The following CSMD1 variants were observed in gnomAD, a reference collection of about 807,000 sequenced individuals.
The protein encoded by CSMD1 is CUB and sushi domain-containing protein 1.
In CSMD1, 213 loss-of-function variants were observed where a neutral mutation model predicts 417.5. The observed-to-expected ratio is 0.51, with a 90% CI of 0.46 to 0.57. The LOEUF (loss-of-function observed/expected upper bound fraction) is 0.57. Among genes scored for constraint, CSMD1 ranks in the 20% least tolerant of loss-of-function variants. CSMD1 has a pLI of 0.00. For synonymous variants in CSMD1, 2,862 were observed against 1,736.8 expected (o/e 1.65, Z -16.11); for missense variants, 6,923 against 4,529.7 (o/e 1.53, Z -15.17).
intron 3 of CSMD1, among the ~76,000 whole-genome samples, chr8:4,186,277 G>C (rs571005459): frequency 8.5e-5 from 13 of 152,194 alleles, no homozygotes; most frequent in Admixed American, 2.6e-4. Flanking sequence ...AAAATTACAA[G>C]AGAAGGAGGC....
intron 10 of CSMD1, among the ~76,000 whole-genome samples, chr8:3,526,088 A>G (rs1797742292): frequency 6.6e-6 from 1 of 152,182 alleles, no homozygotes; most frequent in Non-Finnish European, 1.5e-5. Flanking sequence ...AACATGCTGA[A>G]TTGTCAATTC....
At chr8:4,500,651 G>A (rs867398165) in intron 2 of CSMD1, among the ~76,000 whole-genome samples, 2 of 152,140 alleles carry the variant, frequency 1.3e-5, no homozygotes, top group Non-Finnish European at 2.9e-5. Context: ...AGTGAGAGGT[G>A]TTAGTAAATG....
intron 5 of CSMD1, among the ~76,000 whole-genome samples, chr8:3,822,182 C>T (rs1015690538): frequency 1.3e-5 from 2 of 152,174 alleles, no homozygotes; most frequent in Non-Finnish European, 2.9e-5. Flanking sequence ...ATCGTTTAAG[C>T]ACTGCTAGTC....
intron 1 of CSMD1, among the ~76,000 whole-genome samples, chr8:4,882,125 T>G (rs2116960602): frequency 6.6e-6 from 1 of 152,048 alleles, no homozygotes; most frequent in Non-Finnish European, 1.5e-5. Context: ...TAAACTAGAG[T>G]AGGCTGATGA....
intron 1 of CSMD1, among the ~76,000 whole-genome samples, chr8:4,867,114 G>A (rs541636794): frequency 6.6e-6 from 1 of 152,106 alleles, no homozygotes; most frequent in South Asian, 2.1e-4. Context: ...CTTGTGATAT[G>A]AACTTCATGA....
intron 1 of CSMD1, among the ~76,000 whole-genome samples, chr8:4,954,567 A>C (rs1365414468): frequency 3.3e-5 from 5 of 152,226 alleles, no homozygotes; most frequent in Non-Finnish European, 7.3e-5. Flanking sequence ...AATGATAAAC[A>C]CATTTTATCT....
chr8:3,245,600 C>T (rs960640168), intron 26 of CSMD1, among the ~76,000 whole-genome samples: 2 of 152,208 alleles, frequency 1.3e-5, no homozygotes, highest in Non-Finnish European at 2.9e-5. Flanking sequence ...ATGCCTACCC[C>T]TTCCAGGAAA....
At chr8:3,524,607 A>T (rs1417909938) in intron 10 of CSMD1, among the ~76,000 whole-genome samples, 8 of 151,786 alleles carry the variant, frequency 5.3e-5, no homozygotes, top group Non-Finnish European at 1.5e-5. Context: ...ACATCCACAC[A>T]CATGCACATA....
At chr8:4,320,843 G>T (rs570978797) in intron 3 of CSMD1, among the ~76,000 whole-genome samples, 1 of 152,028 alleles carries the variant, frequency 6.6e-6, no homozygotes, top group African/African-American at 2.4e-5. Flanking sequence ...ATAACCCAAA[G>T]GATTATAAAT....
intron 5 of CSMD1, among the ~76,000 whole-genome samples, chr8:3,894,548 G>T (rs143955117): frequency 6.6e-6 from 1 of 152,082 alleles, no homozygotes; most frequent in Admixed American, 6.6e-5. Flanking sequence ...TTCCTCAAAA[G>T]TGTACCTAAA....
chr8:4,438,173 T>C (rs1187374029), intron 2 of CSMD1, among the ~76,000 whole-genome samples: 2 of 152,152 alleles, frequency 1.3e-5, no homozygotes, highest in East Asian at 3.9e-4. Context: ...GCTGACTTCT[T>C]AAAAAACTCA....
At chr8:3,275,529 T>A (rs557579644) in intron 26 of CSMD1, among the ~76,000 whole-genome samples, 7 of 152,342 alleles carry the variant, frequency 4.6e-5, no homozygotes, top group African/African-American at 1.4e-4. Context: ...AGTGTTTTCC[T>A]ACTTGGTTCC....
chr8:4,123,834 G>C (rs1323100016), intron 3 of CSMD1, among the ~76,000 whole-genome samples: 1 of 152,114 alleles, frequency 6.6e-6, no homozygotes, highest in African/African-American at 2.4e-5. Flanking sequence ...AGGACCTATA[G>C]AGAATGAGAA....
intron 2 of CSMD1, among the ~76,000 whole-genome samples, chr8:4,461,717 A>G (rs1028325708): frequency 1.4e-5 from 2 of 145,716 alleles, no homozygotes. Flanking sequence ...TAGCCAGCTC[A>G]TCTTATTTAT....
chr8:3,600,331 G>C (rs1801302275), intron 8 of CSMD1, among the ~76,000 whole-genome samples: 1 of 152,112 alleles, frequency 6.6e-6, no homozygotes, highest in South Asian at 2.1e-4. Context: ...GGGTGGAGTG[G>C]GTGGATTTAT....
At chr8:3,538,300 G>T (rs1016211845) in intron 10 of CSMD1, among the ~76,000 whole-genome samples, 19 of 152,200 alleles carry the variant, frequency 1.2e-4, no homozygotes, top group African/African-American at 4.3e-4. Context: ...TGCTTCACCT[G>T]AGATGGTACA....
chr8:4,453,216 G>GACACACACACACAC (rs71207090), intron 2 of CSMD1, among the ~76,000 whole-genome samples: 3 of 149,104 alleles, frequency 2.0e-5, no homozygotes, highest in African/African-American at 7.5e-5. Context: ...CACACACAGA[G>GACACACACACACAC]ACACACACAC....
At chr8:4,556,356 T>C (rs1442838803) in intron 2 of CSMD1, among the ~76,000 whole-genome samples, 1 of 152,186 alleles carries the variant, frequency 6.6e-6, no homozygotes. Context: ...GTTATGAAGA[T>C]GTCCAAAAAT....
chr8:3,868,062 C>G, intron 5 of CSMD1, among the ~76,000 whole-genome samples: 1 of 152,120 alleles, frequency 6.6e-6, no homozygotes. Flanking sequence ...CCCTATCACC[C>G]ATTGCCATAT....
Sources: gnomAD v4.1 joint callset for allele counts (sites outside exome capture counted in the v4.1 genomes callset) on GRCh38, gnomAD v4.1.1 for gene constraint, MANE v1.5 for transcripts, NCBI Gene and HGNC (gene_info 2026-07-23, HGNC 2026-07-21) for gene names.